Variants in WWOX observed in about 807,000 individuals in gnomAD.
WWOX encodes the protein WW domain-containing oxidoreductase.
Under a neutral mutation model 46.2 loss-of-function variants are expected in WWOX, and 69 were observed. The observed-to-expected ratio is 1.49, with a 90% CI of 1.23 to 1.82. The LOEUF (loss-of-function observed/expected upper bound fraction) is 1.82, where lower values mean the gene tolerates loss of function less well. Among genes scored for constraint, WWOX ranks in the 40% most tolerant of loss-of-function variants. WWOX has a pLI of 0.00. For missense variants in WWOX, 919 were observed against 542.6 expected (o/e 1.69, Z -6.89); for synonymous variants, 359 against 202.6 (o/e 1.77, Z -6.56).
chr16:78,924,302 C>T (rs1054563025), intron 8 of WWOX, among the ~76,000 whole-genome samples: 8 of 151,948 alleles, frequency 5.3e-5, no homozygotes, highest in African/African-American at 1.5e-4. Flanking sequence ...ATTAGGAAGG[C>T]TTTTTTAGGG....
intron 8 of WWOX, among the ~76,000 whole-genome samples, chr16:78,772,227 T>G (rs1174763064): frequency 6.6e-6 from 1 of 152,194 alleles, no homozygotes; most frequent in African/African-American, 2.4e-5. Context: ...CAGTGTCTGT[T>G]GTTCTTTCTT....
At chr16:78,583,781 C>A (rs562769295) in intron 8 of WWOX, among the ~76,000 whole-genome samples, 1 of 152,120 alleles carries the variant, frequency 6.6e-6, no homozygotes, top group South Asian at 2.1e-4. Context: ...GAGCCAAGGG[C>A]GAAGCTGCCT....
intron 8 of WWOX, among the ~76,000 whole-genome samples, chr16:78,782,398 A>C (rs1221072041): frequency 1.3e-5 from 2 of 152,146 alleles, no homozygotes; most frequent in Non-Finnish European, 2.9e-5. Context: ...CCCACAATCT[A>C]GGAGAAAGGT....
At chr16:78,575,542 C>A (rs2667523) in intron 8 of WWOX, among the ~76,000 whole-genome samples, 2 of 152,036 alleles carry the variant, frequency 1.3e-5, no homozygotes, top group Non-Finnish European at 2.9e-5. Context: ...CTTGTGACTT[C>A]AGCTTTGTTT....
At chr16:79,064,425 A>G (rs779131504) in intron 8 of WWOX, among the ~76,000 whole-genome samples, 1 of 152,204 alleles carries the variant, frequency 6.6e-6, no homozygotes, top group Non-Finnish European at 1.5e-5. Flanking sequence ...AAATGAGATA[A>G]TGCGTGAAAA....
At chr16:78,272,976 T>C (rs2079509222) in intron 5 of WWOX, among the ~76,000 whole-genome samples, 2 of 152,208 alleles carry the variant, frequency 1.3e-5, no homozygotes, top group South Asian at 4.1e-4. Flanking sequence ...GACATAATAA[T>C]AGATGGTTAC....
intron 8 of WWOX, among the ~76,000 whole-genome samples, chr16:79,088,539 AC>A (rs2048895485): frequency 6.6e-6 from 1 of 152,212 alleles, no homozygotes; most frequent in Admixed American, 6.5e-5. Context: ...CAGAAAAATG[AC>A]AACATAAAGA....
intron 8 of WWOX, among the ~76,000 whole-genome samples, chr16:78,796,477 T>C (rs2050740893): frequency 6.6e-6 from 1 of 152,268 alleles, no homozygotes; most frequent in South Asian, 2.1e-4. Context: ...CAAGGGATTC[T>C]GGGAAATGTA....
At chr16:78,817,295 G>A (rs57332458) in intron 8 of WWOX, among the ~76,000 whole-genome samples, 1 of 145,838 alleles carries the variant, frequency 6.9e-6, no homozygotes, top group Non-Finnish European at 1.5e-5. Context: ...CAAGTGTGTA[G>A]ACTTGATAGA....
At chr16:78,132,145 C>T (rs933840430) in intron 4 of WWOX, among the ~76,000 whole-genome samples, 2 of 151,696 alleles carry the variant, frequency 1.3e-5, no homozygotes, top group African/African-American at 4.9e-5. Context: ...CTGCCTCAGC[C>T]TCCCGAGTAG....
At chr16:78,317,918 T>G (rs2080388300) in intron 5 of WWOX, among the ~76,000 whole-genome samples, 1 of 152,206 alleles carries the variant, frequency 6.6e-6, no homozygotes, top group African/African-American at 2.4e-5. Context: ...AATCCCCTCA[T>G]GCACTGGCTT....
chr16:78,486,818 C>T (rs56081426), intron 8 of WWOX, among the ~76,000 whole-genome samples: 2 of 152,280 alleles, frequency 1.3e-5, no homozygotes, highest in South Asian at 2.1e-4. Flanking sequence ...GTGATCCACT[C>T]GCCTCGGCCT....
At chr16:78,416,417 T>C (rs1436895513) in intron 6 of WWOX, among the ~76,000 whole-genome samples, 1 of 152,202 alleles carries the variant, frequency 6.6e-6, no homozygotes, top group East Asian at 1.9e-4. Flanking sequence ...CACAAGCCTG[T>C]TTTTAATTAA....
intron 8 of WWOX, among the ~76,000 whole-genome samples, chr16:78,698,408 C>T (rs941183597): frequency 6.6e-5 from 10 of 152,216 alleles, no homozygotes; most frequent in Non-Finnish European, 1.3e-4. Context: ...AATTAAAATT[C>T]ATTTCATTCG....
At position 78,342,824 on chromosome 16, in the gene WWOX, G is replaced by A. The variant is rs1038581601; in HGVS notation, c.517-44036G>A. On this transcript the variant is annotated intron_variant, in intron 5 of 8. Coordinates refer to ENST00000566780, the MANE Select transcript of WWOX (RefSeq NM_016373.4). ...ATCATTCTGCCATCAACACCGAGGT[G>A]TCGGAGTAGCAGGAGAGCCACATAT... 5.0e-5 allele frequency among the ~76,000 whole-genome samples: 6 copies of A among 120,482 alleles called. 1 individual carries two copies. The highest frequency in any genetic ancestry group is 1.6e-4 in the Admixed American group (2 of 12,440). The allele number at this position is 120,482 out of a possible 152,430, so 79.0% of individuals were successfully genotyped here.
intron 8 of WWOX, among the ~76,000 whole-genome samples, chr16:78,858,323 T>A (rs1262984741): frequency 9.7e-6 from 1 of 102,872 alleles, no homozygotes; most frequent in East Asian, 2.3e-4. Flanking sequence ...TGTAGTCATA[T>A]ATATATATGT....
intron 8 of WWOX, among the ~76,000 whole-genome samples, chr16:78,600,348 C>T (rs2045592099): frequency 6.6e-6 from 1 of 152,110 alleles, no homozygotes; most frequent in Non-Finnish European, 1.5e-5. Flanking sequence ...CTCAGCATAG[C>T]TGGAGGGGGG....
chr16:79,174,614 C>T (rs1385127878), intron 8 of WWOX, among the ~76,000 whole-genome samples: 3 of 152,212 alleles, frequency 2.0e-5, no homozygotes, highest in African/African-American at 7.2e-5. Context: ...CACCATTGCA[C>T]TCCAGCCTGG....
chr16:78,541,197 G>A (rs980735909), intron 8 of WWOX, among the ~76,000 whole-genome samples: 21 of 152,034 alleles, frequency 1.4e-4, no homozygotes, highest in Admixed American at 7.2e-4. Context: ...ACGTACGGCC[G>A]GGCGCGGTGG....
Sources: gnomAD v4.1 joint callset for allele counts (sites outside exome capture counted in the v4.1 genomes callset) on GRCh38, gnomAD v4.1.1 for gene constraint, MANE v1.5 for transcripts, NCBI Gene and HGNC (gene_info 2026-07-23, HGNC 2026-07-21) for gene names.